The following SOX6 variants were observed in gnomAD, a reference collection of about 807,000 sequenced individuals.
SOX6 encodes SRY-box transcription factor 6.
Under a neutral mutation model 97.8 loss-of-function variants are expected in SOX6, and 11 were observed. The ratio of observed to expected loss-of-function variants is 0.11; its 90% CI spans 0.07 to 0.19. The LOEUF is 0.19. SOX6 is among the 10% of genes least tolerant of loss of function. The pLI, the probability that SOX6 is intolerant of heterozygous loss-of-function variation, is 1.00. For missense variants in SOX6, 810 were observed against 1,039.5 expected (o/e 0.78, Z 3.04); for synonymous variants, 360 against 371.4 (o/e 0.97, Z 0.35).
At chr11:16,457,952 A>C (rs1042780397) in intron 1 of SOX6, among the ~76,000 whole-genome samples, 1 of 152,004 alleles carries the variant, frequency 6.6e-6, no homozygotes, top group African/African-American at 2.4e-5. Context: ...CTCTTCCACT[A>C]TACTCTCACC....
At chr11:16,560,390 TATAA>T (rs938479437) in intron 4 of SOX6, among the ~76,000 whole-genome samples, 4 of 151,912 alleles carry the variant, frequency 2.6e-5, no homozygotes, top group African/African-American at 9.7e-5. Flanking sequence ...TTGTATTACA[TATAA>T]ATATGTAAAT....
chr11:16,269,855 A>G (rs1420173985), intron 3 of SOX6: 3 of 151,284 alleles, frequency 2.0e-5, no homozygotes, highest in African/African-American at 7.3e-5. Flanking sequence ...GTATGCTATC[A>G]CATCATCTGC....
chr11:16,105,236 T>C lies in SOX6; in HGVS notation c.898+6567A>G. On this transcript the variant is annotated intron_variant, in intron 7 of 15. Coordinates refer to ENST00000683767, the MANE Select transcript of SOX6 (RefSeq NM_001367873.1). ...TATCCCAAGAATGCAAGGGATCAAA[T>C]CAGTGTCAAGCATTACATTAATAGA... is the stretch of plus-strand genomic sequence containing the variant. 1.3e-5 allele frequency among the ~76,000 whole-genome samples: 2 copies of C among 151,800 alleles called. 1 individual carries two copies. The highest frequency in any genetic ancestry group is 2.9e-5 in the Non-Finnish European group (2 of 67,950).
chr11:16,534,122 AG>A (rs2133171626), intron 4 of SOX6, among the ~76,000 whole-genome samples: 1 of 152,290 alleles, frequency 6.6e-6, no homozygotes, highest in South Asian at 2.1e-4. Flanking sequence ...ATGGCACAGC[AG>A]AACCAATAAG....
chr11:15,988,577 A>T (rs1210761163), intron 14 of SOX6, among the ~76,000 whole-genome samples: 1 of 152,162 alleles, frequency 6.6e-6, no homozygotes, highest in South Asian at 2.1e-4. Flanking sequence ...AAGAACACTA[A>T]AGCAGAAAAC....
chr11:16,487,651 G>A (rs1440490513), intron 4 of SOX6, among the ~76,000 whole-genome samples: 5 of 152,118 alleles, frequency 3.3e-5, no homozygotes, highest in Non-Finnish European at 5.9e-5. Flanking sequence ...TTTAATCAGC[G>A]TATTTTGTAT....
At chr11:16,625,073 C>T (rs973532651) in intron 3 of SOX6, among the ~76,000 whole-genome samples, 1 of 152,078 alleles carries the variant, frequency 6.6e-6, no homozygotes, top group Admixed American at 6.5e-5. Context: ...GGCTGTGACT[C>T]CTCTATTCAT....
chr11:16,180,920 A>C (rs1261703609), intron 6 of SOX6, among the ~76,000 whole-genome samples: 3 of 151,812 alleles, frequency 2.0e-5, no homozygotes, highest in African/African-American at 4.8e-5. Flanking sequence ...ATACTATCTT[A>C]ATCATGCCTT....
intron 1 of SOX6, among the ~76,000 whole-genome samples, chr11:16,425,590 T>C (rs1859110486): frequency 6.6e-6 from 1 of 152,178 alleles, no homozygotes; most frequent in South Asian, 2.1e-4. Flanking sequence ...GCCCAAAAGC[T>C]TCTTAGGCTG....
chr11:16,532,662 G>T (rs1441192568), intron 4 of SOX6, among the ~76,000 whole-genome samples: 1 of 151,832 alleles, frequency 6.6e-6, no homozygotes, highest in Admixed American at 6.6e-5. Context: ...AACAGACCTA[G>T]TCATAATATG....
rs544232467 is a variant in SOX6 at position 16,496,746 on chromosome 11, T to C, written n.610-20358A>G. On this transcript the variant is annotated intron_variant and non_coding_transcript_variant, in intron 4 of 5. Transcript: ENST00000524520. ...CTAGCACAGCAGTCTGAGATCAAAC[T>C]GCAAGGCTGCAGCAAGGCTGGGGGA... 1.1e-4 allele frequency among the ~76,000 whole-genome samples: 16 copies of C among 152,230 alleles called. No individual in the cohort carries two copies. In the South Asian group the frequency reaches 3.3e-3, roughly 32 times the overall value.
At chr11:16,533,282 G>T (rs1003423722) in intron 4 of SOX6, among the ~76,000 whole-genome samples, 2 of 151,584 alleles carry the variant, frequency 1.3e-5, no homozygotes, top group African/African-American at 4.8e-5. Flanking sequence ...AATATTTTTG[G>T]CATAATTTAG....
chr11:16,285,488 C>T (rs1311771049), intron 3 of SOX6, among the ~76,000 whole-genome samples: 1 of 152,008 alleles, frequency 6.6e-6, no homozygotes, highest in Admixed American at 6.6e-5. Flanking sequence ...GAGTCGAGAT[C>T]GCACCATTGC....
chr11:16,528,811 T>C (rs1008601461), intron 4 of SOX6, among the ~76,000 whole-genome samples: 1 of 152,214 alleles, frequency 6.6e-6, no homozygotes, highest in East Asian at 1.9e-4. Flanking sequence ...AGGGGAAAAC[T>C]TTTTAGACTC....
chr11:16,526,197 C>A (rs956963116), intron 4 of SOX6, among the ~76,000 whole-genome samples: 1 of 152,058 alleles, frequency 6.6e-6, no homozygotes, highest in African/African-American at 2.4e-5. Flanking sequence ...ATGTTTCTTG[C>A]GGCACTATTC....
At chr11:16,239,620 A>G (rs2134183001) in intron 3 of SOX6, among the ~76,000 whole-genome samples, 1 of 152,196 alleles carries the variant, frequency 6.6e-6, no homozygotes, top group South Asian at 2.1e-4. Flanking sequence ...ATCTCATACA[A>G]TACTATATTC....
chr11:16,711,540 A>G lies in SOX6; in HGVS notation n.429+3290T>C, dbSNP rs76861964. Among the ~76,000 whole-genome samples the G allele has an allele frequency of 6.5e-3, 993 of 152,258 alleles. 2 individuals carry two copies. Among genetic ancestry groups the G allele is most frequent in the South Asian group, 0.031 (147 of 4,818 alleles). The stretch of plus-strand genomic sequence containing the variant: ...GCTGTTTCAAAAAGAAAACCCTACA[A>G]TGGTTTACTTTTAAGATAAAATCTT... On this transcript the variant is annotated intron_variant and non_coding_transcript_variant, in intron 3 of 5. Coordinates refer to the SOX6 transcript ENST00000524520.
In SOX6 at chr11:15,969,706, T is replaced by C. The variant is rs1853248401; in HGVS notation, c.*3103A>G. 6.6e-6 allele frequency: 1 copy of C among 152,224 alleles called. No homozygotes were observed. Among genetic ancestry groups the C allele is most frequent in the South Asian group, 2.1e-4 (1 of 4,832 alleles). 9.4% of individuals were successfully genotyped at this position (152,224 alleles called of 1,614,324 possible). A position where few individuals can be genotyped will look rare whatever the true frequency, so the allele number is the denominator to read the frequency against. ...AAATAAATTCTATTTCTATGTTATA[T>C]TTACACAATTAGAAAAATCTAAAAT... On this transcript the variant is annotated 3_prime_UTR_variant, in exon 16 of 16. Coordinates refer to ENST00000683767, the MANE Select transcript of SOX6 (RefSeq NM_001367873.1).
At chr11:16,738,206 G>C (rs1848409035) in intron 1 of SOX6, among the ~76,000 whole-genome samples, 4 of 152,018 alleles carry the variant, frequency 2.6e-5, no homozygotes, top group Admixed American at 2.6e-4. Context: ...GCGCGCAATA[G>C]AGAACACCAG....
Sources: gnomAD v4.1 joint callset for allele counts (sites outside exome capture counted in the v4.1 genomes callset) on GRCh38, gnomAD v4.1.1 for gene constraint, MANE v1.5 for transcripts, NCBI Gene and HGNC (gene_info 2026-07-23, HGNC 2026-07-21) for gene names.